FRMD4B: variants seen among roughly 807,000 people sequenced by gnomAD.
The protein encoded by FRMD4B is FERM domain containing 4B, also known as FERM domain-containing protein 4B.
A neutral mutation model predicts 141.5 loss-of-function variants in FRMD4B; 74 were observed. The observed-to-expected ratio is 0.52, with a 90% CI of 0.43 to 0.63. FRMD4B has a LOEUF of 0.63. Among genes scored for constraint, FRMD4B ranks in the 30% least tolerant of loss-of-function variants. The pLI is 0.00. For synonymous variants in FRMD4B, 506 were observed against 467.9 expected (o/e 1.08, Z -1.05); for missense variants, 1,366 against 1,253.4 (o/e 1.09, Z -1.36).
chr3:69,270,548 ATTTTCTTT>A (rs559458710), intron 5 of FRMD4B, among the ~76,000 whole-genome samples: 3 of 145,322 alleles, frequency 2.1e-5, no homozygotes, highest in African/African-American at 7.5e-5. Context: ...TCAACCAAGC[ATTTTCTTT>A]TTTTCTTTTT....
chr3:69,412,311 T>C (rs978626682), intron 2 of FRMD4B, among the ~76,000 whole-genome samples: 1 of 152,232 alleles, frequency 6.6e-6, no homozygotes, highest in African/African-American at 2.4e-5. Context: ...TGAGGACACT[T>C]GATGTCACAG....
intron 1 of FRMD4B, among the ~76,000 whole-genome samples, chr3:69,361,262 T>G (rs754159704): frequency 2.0e-5 from 3 of 152,146 alleles, no homozygotes; most frequent in Non-Finnish European, 4.4e-5. Flanking sequence ...TTTAGTAGTA[T>G]TTGTCAGCTT....
intron 13 of FRMD4B, chr3:69,196,626 C>G: frequency 5.2e-6 from 3 of 576,534 alleles, no homozygotes; most frequent in Non-Finnish European, 9.0e-6. Context: ...CAGTTACTAA[C>G]TTTGAAGTGT....
At chr3:69,193,611 AG>A in intron 17 of FRMD4B, 36 bp downstream of exon 17, 1 of 1,028,764 alleles carries the variant, frequency 9.7e-7, no homozygotes, top group Non-Finnish European at 1.4e-6. Flanking sequence ...AGTACTGAGT[AG>A]GGGACTCAAA....
intron 5 of FRMD4B, among the ~76,000 whole-genome samples, chr3:69,260,197 A>C (rs913195899): frequency 6.6e-6 from 1 of 152,208 alleles, no homozygotes; most frequent in East Asian, 1.9e-4. Context: ...CCACCGCTGC[A>C]CTGTAGGAGC....
At chr3:69,378,680 T>C (rs797010313) in intron 1 of FRMD4B, among the ~76,000 whole-genome samples, 11 of 152,178 alleles carry the variant, frequency 7.2e-5, no homozygotes, top group African/African-American at 2.6e-4. Flanking sequence ...TATTTCTAAA[T>C]CAACTCCTTC....
intron 5 of FRMD4B, among the ~76,000 whole-genome samples, chr3:69,274,341 G>T (rs2093608370): frequency 6.6e-6 from 1 of 152,022 alleles, no homozygotes. Flanking sequence ...AAAAATGTAA[G>T]TACGATGCCC....
chr3:69,459,229 C>A (rs1316061855), intron 1 of FRMD4B, among the ~76,000 whole-genome samples: 2 of 152,154 alleles, frequency 1.3e-5, no homozygotes, highest in African/African-American at 4.8e-5. Context: ...AATTATGGTT[C>A]TCTGCTTCCT....
chr3:69,265,254 C>CAAA (rs1170675639), intron 5 of FRMD4B, among the ~76,000 whole-genome samples: 15 of 8,418 alleles, frequency 1.8e-3, no homozygotes, highest in South Asian at 7.9e-3. Context: ...GACTCCATCT[C>CAAA]AAAAAAAAAA....
chr3:69,407,054 T>A (rs1704661377), intron 2 of FRMD4B, among the ~76,000 whole-genome samples: 1 of 152,020 alleles, frequency 6.6e-6, no homozygotes, highest in Admixed American at 6.6e-5. Context: ...AATGTCAGGT[T>A]TTTAAGCAAG....
chr3:69,254,512 A>G (rs974242765), intron 5 of FRMD4B, among the ~76,000 whole-genome samples: 1 of 152,162 alleles, frequency 6.6e-6, no homozygotes, highest in Non-Finnish European at 1.5e-5. Flanking sequence ...CAAAAGGGAA[A>G]ACAGTAACTC....
At chr3:69,372,270 C>T (rs1183929365) in intron 1 of FRMD4B, among the ~76,000 whole-genome samples, 2 of 152,200 alleles carry the variant, frequency 1.3e-5, no homozygotes, top group African/African-American at 4.8e-5. Context: ...ACTCTGAGCT[C>T]CACAAGGGCA....
At chr3:69,398,626 T>A (rs1472149741) in intron 2 of FRMD4B, among the ~76,000 whole-genome samples, 1 of 152,220 alleles carries the variant, frequency 6.6e-6, no homozygotes, top group Admixed American at 6.5e-5. Flanking sequence ...CAGCTCCTTA[T>A]TTCCAGGGCT....
At chr3:69,332,742 ATTTTTTTTTTTT>A (rs58437578) in intron 1 of FRMD4B, among the ~76,000 whole-genome samples, 1 of 67,510 alleles carries the variant, frequency 1.5e-5, no homozygotes, top group Admixed American at 2.0e-4. Context: ...ACACCTGGCT[ATTTTTTTTTTTT>A]TTTTTTTTTT....
chr3:69,297,473 A>G (rs564881248), intron 4 of FRMD4B, among the ~76,000 whole-genome samples: 3 of 152,232 alleles, frequency 2.0e-5, no homozygotes, highest in Admixed American at 6.5e-5. Flanking sequence ...AAGAGGGAAG[A>G]CCAAATGAAA....
intron 7 of FRMD4B, chr3:69,228,595 G>C (rs368036833): frequency 1.7e-4 from 69 of 414,698 alleles, no homozygotes; most frequent in African/African-American, 1.3e-3. Context: ...AACACTTTGG[G>C]AGACTGAGCT....
intron 1 of FRMD4B, among the ~76,000 whole-genome samples, chr3:69,340,616 C>A (rs750739305): frequency 3.9e-5 from 6 of 152,156 alleles, no homozygotes; most frequent in African/African-American, 1.4e-4. Flanking sequence ...CATGGGCAGA[C>A]GACTTCAGCT....
intron 1 of FRMD4B, among the ~76,000 whole-genome samples, chr3:69,385,537 C>T (rs748334880): frequency 1.4e-4 from 21 of 152,136 alleles, no homozygotes; most frequent in Non-Finnish European, 1.5e-4. Context: ...CCCTCTGTTG[C>T]AAAGCAACAG....
At chr3:69,290,791 T>C (rs761078340) in intron 4 of FRMD4B, among the ~76,000 whole-genome samples, 9 of 152,146 alleles carry the variant, frequency 5.9e-5, no homozygotes, top group African/African-American at 1.2e-4. Context: ...CTCTGAGTTT[T>C]AGAGATCTGC....
Sources: gnomAD v4.1 joint callset for allele counts (sites outside exome capture counted in the v4.1 genomes callset) on GRCh38, gnomAD v4.1.1 for gene constraint, MANE v1.5 for transcripts, NCBI Gene and HGNC (gene_info 2026-07-23, HGNC 2026-07-21) for gene names.